HS6ST3: variants seen among roughly 807,000 people sequenced by gnomAD.
HS6ST3 encodes heparan-sulfate 6-O-sulfotransferase 3.
HS6ST3 carries 12 observed loss-of-function variants against 36.7 expected under a neutral mutation model. The observed-to-expected ratio is 0.33, with a 90% CI of 0.21 to 0.53. HS6ST3 has a LOEUF of 0.53. Among genes scored for constraint, HS6ST3 ranks in the 20% least tolerant of loss-of-function variants. The pLI is 0.95. For synonymous variants in HS6ST3, 240 were observed against 257.5 expected (o/e 0.93, Z 0.65); for missense variants, 584 against 640.9 (o/e 0.91, Z 0.96).
chr13:96,747,018 C>A lies in HS6ST3; in HGVS notation c.708-85472C>A, dbSNP rs116410420. Among the ~76,000 whole-genome samples, 1,450 of 152,102 alleles carry A rather than the reference C, an allele frequency of 9.5e-3. 19 individuals are homozygous for A. Among genetic ancestry groups the A allele is most frequent in the African/African-American group, 0.033 (1,367 of 41,500 alleles). ...CTTTGCTTTGACTTCCATTATACTGCGAGACTATTTTTTTTTCCCAACCTC... is the reference window on the plus strand; with the variant it reads ...CTTTGCTTTGACTTCCATTATACTGAGAGACTATTTTTTTTTCCCAACCTC... On this transcript the variant is annotated intron_variant, in intron 1 of 1. Transcript: ENST00000376705.
chr13:96,213,306 T>C lies in HS6ST3; in HGVS notation c.707+121737T>C, dbSNP rs142808302. 4.1e-4 allele frequency among the ~76,000 whole-genome samples: 62 copies of C among 152,358 alleles called. 1 individual carries two copies. The highest frequency in any genetic ancestry group is 1.4e-3 in the African/African-American group (58 of 41,596). ...TGTGCCACTGTGGTGTCCACACTTATGACCCTTTTTTGTGGTCCCTGTGTT... is the reference window on the plus strand; with the variant it reads ...TGTGCCACTGTGGTGTCCACACTTACGACCCTTTTTTGTGGTCCCTGTGTT... On this transcript the variant is annotated intron_variant, in intron 1 of 1. Transcript: ENST00000376705.
chr13:96,161,429 G>C (rs1157261090), intron 1 of HS6ST3, among the ~76,000 whole-genome samples: 1 of 152,180 alleles, frequency 6.6e-6, no homozygotes, highest in African/African-American at 2.4e-5. Flanking sequence ...GTAGTTGGAT[G>C]GCTAGAGGGC....
intron 1 of HS6ST3, among the ~76,000 whole-genome samples, chr13:96,237,635 G>A (rs1439579472): frequency 2.6e-5 from 4 of 152,014 alleles, no homozygotes; most frequent in East Asian, 1.9e-4. Flanking sequence ...AATTGTCTAC[G>A]TGTGCTGTCT....
At chr13:96,417,010 G>C (rs927637367) in intron 1 of HS6ST3, among the ~76,000 whole-genome samples, 3 of 152,016 alleles carry the variant, frequency 2.0e-5, no homozygotes. Context: ...TCTGCCTCCC[G>C]AAATGCTGGG....
chr13:96,480,724 C>G (rs1452330625), intron 1 of HS6ST3, among the ~76,000 whole-genome samples: 1 of 152,130 alleles, frequency 6.6e-6, no homozygotes, highest in Non-Finnish European at 1.5e-5. Context: ...CTTCTGCCGT[C>G]TTAGTGTTAT....
At chr13:96,597,472 C>A (rs1362281018) in intron 1 of HS6ST3, among the ~76,000 whole-genome samples, 2 of 151,444 alleles carry the variant, frequency 1.3e-5, no homozygotes, top group East Asian at 1.9e-4. Flanking sequence ...TGTATAATTT[C>A]TTTTGAGAAA....
chr13:96,140,487 G>C (rs926676364), intron 1 of HS6ST3, among the ~76,000 whole-genome samples: 1 of 152,016 alleles, frequency 6.6e-6, no homozygotes, highest in African/African-American at 2.4e-5. Context: ...TAACACCATG[G>C]GACCCCAATG....
At chr13:96,338,046 C>A (rs923542339) in intron 1 of HS6ST3, among the ~76,000 whole-genome samples, 1 of 151,930 alleles carries the variant, frequency 6.6e-6, no homozygotes, top group African/African-American at 2.4e-5. Flanking sequence ...ACTTTCTTAT[C>A]TCTCTGAGGA....
intron 1 of HS6ST3, among the ~76,000 whole-genome samples, chr13:96,618,461 T>A (rs2056482411): frequency 1.3e-5 from 2 of 152,154 alleles, no homozygotes; most frequent in South Asian, 4.1e-4. Flanking sequence ...TAAGGAATGA[T>A]ATATGAAAAA....
intron 1 of HS6ST3, among the ~76,000 whole-genome samples, chr13:96,531,702 C>T (rs1408171205): frequency 7.9e-5 from 12 of 152,098 alleles, no homozygotes; most frequent in African/African-American, 7.2e-5. Context: ...AATGAGACAA[C>T]GACAATCGTA....
intron 1 of HS6ST3, among the ~76,000 whole-genome samples, chr13:96,388,408 T>C (rs1416312023): frequency 6.6e-6 from 1 of 152,198 alleles, no homozygotes; most frequent in Non-Finnish European, 1.5e-5. Flanking sequence ...GCAATATTAA[T>C]GTACTGAACT....
At chr13:96,191,811 G>C (rs1472698550) in intron 1 of HS6ST3, among the ~76,000 whole-genome samples, 1 of 152,156 alleles carries the variant, frequency 6.6e-6, no homozygotes, top group Non-Finnish European at 1.5e-5. Flanking sequence ...TTTTCTCTAT[G>C]AGTCAACCAG....
chr13:96,257,904 T>C (rs1202993774), intron 1 of HS6ST3, among the ~76,000 whole-genome samples: 1 of 152,242 alleles, frequency 6.6e-6, no homozygotes, highest in African/African-American at 2.4e-5. Context: ...TTGGGTATAA[T>C]GAACCCAAAA....
chr13:96,235,100 A>G (rs893978422), intron 1 of HS6ST3, among the ~76,000 whole-genome samples: 2 of 152,200 alleles, frequency 1.3e-5, no homozygotes, highest in Admixed American at 6.5e-5. Context: ...ATTTATTAAG[A>G]CCATGTTGTA....
At chr13:96,578,430 C>T (rs576549019) in intron 1 of HS6ST3, among the ~76,000 whole-genome samples, 6 of 152,322 alleles carry the variant, frequency 3.9e-5, no homozygotes, top group African/African-American at 1.4e-4. Flanking sequence ...GACGAAGGCA[C>T]TGATGAGGGT....
intron 1 of HS6ST3, among the ~76,000 whole-genome samples, chr13:96,698,608 G>T (rs141472051): frequency 0.015 from 2,265 of 152,134 alleles, 54 homozygotes; most frequent in African/African-American, 0.051. Flanking sequence ...AAAATGAGAG[G>T]ATACAAACAA....
intron 1 of HS6ST3, among the ~76,000 whole-genome samples, chr13:96,355,014 C>G (rs570862452): frequency 1.3e-5 from 2 of 152,000 alleles, no homozygotes; most frequent in South Asian, 4.2e-4. Context: ...AAAAAACTAA[C>G]CAGCATTAGA....
intron 1 of HS6ST3, among the ~76,000 whole-genome samples, chr13:96,576,943 C>CAAAAA (rs1157924077): frequency 6.3e-4 from 17 of 26,842 alleles, no homozygotes; most frequent in African/African-American, 1.8e-3. Context: ...GACTCTGTCT[C>CAAAAA]AAAAAAAAAA....
intron 1 of HS6ST3, among the ~76,000 whole-genome samples, chr13:96,345,955 G>T (rs1286323496): frequency 6.6e-6 from 1 of 152,194 alleles, no homozygotes; most frequent in African/African-American, 2.4e-5. Context: ...CCACAGGTTG[G>T]ACAAGCTTGC....
Sources: allele counts gnomAD v4.1 joint callset (sites outside exome capture counted in the v4.1 genomes callset), GRCh38; gene constraint gnomAD v4.1.1; transcripts MANE v1.5; gene names NCBI Gene and HGNC (gene_info 2026-07-23, HGNC 2026-07-21).